Variants in CCDC73 observed in about 807,000 individuals in gnomAD.
CCDC73 encodes coiled-coil domain-containing protein 73.
CCDC73 carries 95 observed loss-of-function variants against 116.5 expected under a neutral mutation model. The observed-to-expected ratio is 0.82, with a 90% CI of 0.69 to 0.97. The LOEUF (loss-of-function observed/expected upper bound fraction) is 0.97, where lower values mean the gene tolerates loss of function less well. Among genes scored for constraint, CCDC73 ranks in the 50% least tolerant of loss-of-function variants. The pLI is 0.00. For synonymous variants in CCDC73, 398 were observed against 401.3 expected (o/e 0.99, Z 0.10); for missense variants, 1,066 against 1,206.8 (o/e 0.88, Z 1.73).
chr11:32,663,137 G>C (rs543763353), intron 9 of CCDC73, among the ~76,000 whole-genome samples: 6 of 152,310 alleles, frequency 3.9e-5, no homozygotes, highest in South Asian at 2.1e-4. Flanking sequence ...CTCCAGCTTT[G>C]TTCTTTTGGC....
intron 13 of CCDC73, among the ~76,000 whole-genome samples, chr11:32,637,247 G>C (rs944372951): frequency 2.6e-5 from 4 of 152,006 alleles, no homozygotes; most frequent in African/African-American, 9.6e-5. Context: ...CCCTGACCTT[G>C]TGATCCGCCC....
intron 6 of CCDC73, among the ~76,000 whole-genome samples, chr11:32,693,488 T>C (rs1024480897): frequency 3.3e-5 from 5 of 152,212 alleles, no homozygotes; most frequent in Admixed American, 6.5e-5. Flanking sequence ...GCCTCTTGCA[T>C]AGAAAGTCAG....
chr11:32,717,186 T>A (rs151071970), intron 3 of CCDC73, among the ~76,000 whole-genome samples: 4 of 152,294 alleles, frequency 2.6e-5, no homozygotes, highest in African/African-American at 9.6e-5. Context: ...CAATTCCTGT[T>A]TCAATATTAC....
intron 9 of CCDC73, among the ~76,000 whole-genome samples, chr11:32,656,632 T>C (rs2133265206): frequency 6.6e-6 from 1 of 152,320 alleles, no homozygotes; most frequent in South Asian, 2.1e-4. Context: ...TGGTCAGCAA[T>C]GATGGTATAA....
the CCDC73 span, among the ~76,000 whole-genome samples, chr11:32,817,492 G>C: frequency 6.6e-6 from 1 of 152,122 alleles, no homozygotes; most frequent in African/African-American, 2.4e-5. Context: ...GTTGTCCCCT[G>C]TTTTGACCAG....
At chr11:32,734,971 C>T in intron 2 of CCDC73, among the ~76,000 whole-genome samples, 1 of 152,170 alleles carries the variant, frequency 6.6e-6, no homozygotes, top group Non-Finnish European at 1.5e-5. Flanking sequence ...ATTCAACAGC[C>T]TTTCATGCTA....
the CCDC73 span, chr11:32,829,928 T>G: frequency 1.0e-6 from 1 of 985,580 alleles, no homozygotes; most frequent in Non-Finnish European, 1.2e-6. Flanking sequence ...CCTCCCGTCC[T>G]CCGTCGGCCG....
intron 12 of CCDC73, among the ~76,000 whole-genome samples, chr11:32,642,305 A>G (rs1434396159): frequency 1.3e-5 from 2 of 152,026 alleles, no homozygotes; most frequent in African/African-American, 4.8e-5. Flanking sequence ...GCTATAAAAG[A>G]GTATAAAAAC....
At chr11:32,654,738 C>A in intron 10 of CCDC73, 106 bp downstream of exon 10, 1 of 792,644 alleles carries the variant, frequency 1.3e-6, no homozygotes, top group South Asian at 2.2e-5. Context: ...TTTAACTATG[C>A]ATATTGACTT....
intron 9 of CCDC73, among the ~76,000 whole-genome samples, chr11:32,669,388 C>A (rs759979011): frequency 4.0e-5 from 6 of 151,790 alleles, no homozygotes; most frequent in Non-Finnish European, 7.4e-5. Context: ...TTCTGATATA[C>A]GTATGCAGTG....
chr11:32,702,584 C>T (rs556994454), intron 4 of CCDC73, among the ~76,000 whole-genome samples: 1 of 152,250 alleles, frequency 6.6e-6, no homozygotes, highest in Non-Finnish European at 1.5e-5. Context: ...AGAGAAAGAA[C>T]AATAACACAC....
At chr11:32,656,692 T>G (rs548865458) in intron 9 of CCDC73, among the ~76,000 whole-genome samples, 2 of 152,336 alleles carry the variant, frequency 1.3e-5, no homozygotes, top group African/African-American at 4.8e-5. Context: ...TGCTATAGTC[T>G]TGGATACTGC....
rs1469188567 is a variant in CCDC73 at position 32,635,886 on chromosome 11, T to C, written c.1051-56A>G. 6.5e-5 allele frequency: 64 copies of C among 984,310 alleles called. No individual in the cohort carries two copies. The East Asian group carries it at 2.2e-3, about 34-fold the overall frequency. 61.0% of individuals were successfully genotyped at this position (984,310 alleles called of 1,614,324 possible). On this transcript the variant is annotated intron_variant, in intron 13 of 17. Coordinates refer to ENST00000335185, the MANE Select transcript of CCDC73 (RefSeq NM_001008391.4). ...GTATATCAAGTATATAAATATGTTT[T>C]GTCTGAAAATATTTCATTAACAAAA...
chr11:32,745,034 G>A (rs1850222299), intron 2 of CCDC73, among the ~76,000 whole-genome samples: 1 of 152,040 alleles, frequency 6.6e-6, no homozygotes, highest in Non-Finnish European at 1.5e-5. Flanking sequence ...TTTCTCTTGT[G>A]GGCATTTAGT....
At chr11:32,655,033 T>C in intron 9 of CCDC73, 61 bp from the exon 10 acceptor site, 3 of 1,426,244 alleles carry the variant, frequency 2.1e-6, no homozygotes, top group South Asian at 1.3e-5. Flanking sequence ...AACAAGGTAC[T>C]TTCCTGACAG....
the CCDC73 span, among the ~76,000 whole-genome samples, chr11:32,807,522 C>T: frequency 6.6e-6 from 1 of 152,038 alleles, no homozygotes; most frequent in Non-Finnish European, 1.5e-5. Context: ...TGCATGTGGC[C>T]CAGGACAGCT....
intron 9 of CCDC73, among the ~76,000 whole-genome samples, chr11:32,665,042 T>C (rs1855967398): frequency 6.6e-6 from 1 of 152,220 alleles, no homozygotes; most frequent in African/African-American, 2.4e-5. Context: ...ATAATTTCTG[T>C]TCTTCTACAT....
intron 9 of CCDC73, among the ~76,000 whole-genome samples, chr11:32,656,873 T>C (rs1196335015): frequency 6.6e-6 from 1 of 152,130 alleles, no homozygotes; most frequent in Non-Finnish European, 1.5e-5. Context: ...TAGAAGTAAG[T>C]TGATTTATTA....
the CCDC73 span, among the ~76,000 whole-genome samples, chr11:32,823,385 A>G: frequency 6.6e-6 from 1 of 152,152 alleles, no homozygotes; most frequent in African/African-American, 2.4e-5. Context: ...AAGGCAGGAG[A>G]ATCGCTTGAA....
Sources: allele counts gnomAD v4.1 joint callset (sites outside exome capture counted in the v4.1 genomes callset), GRCh38; gene constraint gnomAD v4.1.1; transcripts MANE v1.5; gene names NCBI Gene and HGNC (gene_info 2026-07-23, HGNC 2026-07-21).